WSCD1: variants seen among roughly 807,000 people sequenced by gnomAD.
WSCD1 encodes the protein WSC domain sialate O sulfotransferase 1, also known as sialate:O-sulfotransferase 1.
Under a neutral mutation model 60.4 loss-of-function variants are expected in WSCD1, and 41 were observed. The ratio of observed to expected loss-of-function variants is 0.68; its 90% CI spans 0.53 to 0.88. The LOEUF is 0.88. WSCD1 is among the 40% of genes least tolerant of loss of function. The probability of loss-of-function intolerance (pLI) is 0.00; values close to 1 mark genes in which losing one functional copy is unlikely to be tolerated. For missense variants in WSCD1, 784 were observed against 796.2 expected (o/e 0.98, Z 0.18); for synonymous variants, 361 against 332.5 (o/e 1.09, Z -0.93).
intron 5 of WSCD1, among the ~76,000 whole-genome samples, chr17:6,106,630 G>T (rs530114336): frequency 6.6e-6 from 1 of 152,200 alleles, no homozygotes; most frequent in Non-Finnish European, 1.5e-5. Context: ...TGGGGAGAGG[G>T]GCCTCCGGTG....
At chr17:6,105,264 T>A (rs985540648) in intron 5 of WSCD1, among the ~76,000 whole-genome samples, 1 of 152,186 alleles carries the variant, frequency 6.6e-6, no homozygotes, top group African/African-American at 2.4e-5. Flanking sequence ...AGGATGCATA[T>A]CTTTCTGCCC....
chr17:6,088,897 C>G (rs1457052295), intron 3 of WSCD1, among the ~76,000 whole-genome samples: 1 of 152,072 alleles, frequency 6.6e-6, no homozygotes, highest in Non-Finnish European at 1.5e-5. Context: ...ATTCGCCTGC[C>G]TCAGCCTCCC....
Position 6,120,796 on chromosome 17 carries a change from C to A in WSCD1, c.*135C>A. On this transcript the variant is annotated 3_prime_UTR_variant, in exon 9 of 9. Transcript: ENST00000317744. ...GGGGGGCTCACCCTGGTGCTGCCTC[C>A]CGCACAAGGAGACCTGGACACAACA... is the stretch of plus-strand genomic sequence containing the variant. 1 of 885,702 alleles carries A rather than the reference C, an allele frequency of 1.1e-6. No individual in the cohort carries two copies. The highest frequency in any genetic ancestry group is 1.7e-6 in the Non-Finnish European group (1 of 593,998). 54.9% of individuals were successfully genotyped at this position (885,702 alleles called of 1,614,324 possible). A position where few individuals can be genotyped will look rare whatever the true frequency, so the allele number is the denominator to read the frequency against.
chr17:6,073,791 C>T, intron 1 of WSCD1, among the ~76,000 whole-genome samples: 1 of 152,246 alleles, frequency 6.6e-6, no homozygotes, highest in East Asian at 1.9e-4. Flanking sequence ...CAGCCTCCAG[C>T]ATGGTGCTTG....
At chr17:6,099,948 A>T (rs972270525) in intron 5 of WSCD1, among the ~76,000 whole-genome samples, 1 of 152,076 alleles carries the variant, frequency 6.6e-6, no homozygotes, top group Non-Finnish European at 1.5e-5. Flanking sequence ...CCGGCACGAG[A>T]CCAAGAACCC....
At chr17:6,089,274 C>G (rs1909869000) in intron 3 of WSCD1, among the ~76,000 whole-genome samples, 1 of 152,174 alleles carries the variant, frequency 6.6e-6, no homozygotes, top group South Asian at 2.1e-4. Flanking sequence ...GATCAGGAAA[C>G]TGAGACTCAG....
At chr17:6,095,346 G>A in intron 5 of WSCD1, 123 bp downstream of exon 5, 2 of 1,334,124 alleles carry the variant, frequency 1.5e-6, no homozygotes, top group South Asian at 3.4e-5. Flanking sequence ...AGCAGAGGAA[G>A]GGGGCATGGA....
At position 6,080,565 on chromosome 17, in the gene WSCD1, C is replaced by T. The variant is rs1011041180; in HGVS notation, c.-94C>T. ...CAGGCAGGTGCCAGGAGCCAGGATGCAAGGATGACGCCTCCGGAGGCCCTG... is the reference window on the plus strand; with the variant it reads ...CAGGCAGGTGCCAGGAGCCAGGATGTAAGGATGACGCCTCCGGAGGCCCTG... On this transcript the variant is annotated 5_prime_UTR_variant, in exon 2 of 9. The change creates a premature stop within an existing upstream ORF in the 5' untranslated region. Coordinates refer to ENST00000317744, the MANE Select transcript of WSCD1 (RefSeq NM_015253.2). This position sits in a 1 kb window ranked among gnomAD's most constrained non-coding sequence, Gnocchi z 6.6. 10 of 1,378,922 alleles carry T rather than the reference C, an allele frequency of 7.3e-6. No homozygotes were observed. The highest frequency in any genetic ancestry group is 2.5e-5 in the South Asian group (2 of 78,978). 85.4% of individuals were successfully genotyped at this position (1,378,922 alleles called of 1,614,324 possible).
chr17:6,089,570 TCAGAC>T (rs1173213792), intron 3 of WSCD1, among the ~76,000 whole-genome samples: 2 of 152,212 alleles, frequency 1.3e-5, no homozygotes, highest in African/African-American at 4.8e-5. Flanking sequence ...GGCAGGCACT[TCAGAC>T]CAGCTCACGG....
At position 6,110,840 on chromosome 17, in the gene WSCD1, C is replaced by T; in HGVS notation, c.1079C>T (p.Pro360Leu). 1 of 1,614,018 alleles carries T rather than the reference C, an allele frequency of 6.2e-7. No homozygotes were observed. The change falls in exon 7 of 9, where the codon CCA (proline) becomes CTA (leucine). Residue 360 changes from proline to leucine, a missense_variant. Physicochemically the swap from Pro to Leu is moderately conservative, Grantham distance 98. Transcript: ENST00000317744. The surrounding 1 kb of genome is among the most constrained non-coding windows in gnomAD (Gnocchi z 4.8). ...SKVFVALSSF[P>L]GAGNTWARHL... ...GTGTTTGTGGCTTTGTCAAGCTTCC[C>T]AGGAGCCGGGAACACATGGGCACGG...
At position 6,090,318 on chromosome 17, in the gene WSCD1, C is replaced by T; in HGVS notation, c.543-3C>T. On this transcript the variant is annotated splice_region_variant and splice_polypyrimidine_tract_variant and intron_variant, in intron 3 of 8. Coordinates refer to ENST00000317744, the MANE Select transcript of WSCD1 (RefSeq NM_015253.2). ...CGGACTCACCCAGGCCTCCTCCCTG[C>T]AGGTCCTATGTCTACGCCGGCTTGG... 4 of 1,581,336 alleles carry T rather than the reference C, an allele frequency of 2.5e-6. No individual in the cohort carries two copies. The highest frequency in any genetic ancestry group is 3.4e-6 in the Non-Finnish European group (4 of 1,166,038).
Position 6,080,855 on chromosome 17 carries a change from T to C in WSCD1, c.197T>C (p.Leu66Ser), listed in dbSNP as rs761514805. The change falls in exon 2 of 9, where the codon TTG becomes TCG. Residue 66 changes from leucine (L) to serine (S), a missense_variant. Physicochemically the swap from Leu to Ser is moderately radical, Grantham distance 145. Transcript: ENST00000317744. The surrounding 1 kb of genome is among the most constrained non-coding windows in gnomAD (Gnocchi z 6.6). ...GCCGCCGTGGCGCTGGGCGTGGGCT[T>C]GCTGGACAGCAGAGCCCTGCACGAC... is the stretch of plus-strand genomic sequence containing the variant. ...PVAAVALGVG[L>S]LDSRALHDPR... The C allele has an allele frequency of 2.5e-6, 4 of 1,606,226 alleles. No homozygotes were observed. In the African/African-American group the frequency reaches 5.3e-5, roughly 21 times the overall value.
chr17:6,095,568 G>A (rs926469506), intron 5 of WSCD1, among the ~76,000 whole-genome samples: 6 of 152,258 alleles, frequency 3.9e-5, no homozygotes, highest in Non-Finnish European at 7.3e-5. Flanking sequence ...GGGGATAGCT[G>A]ATGGATTTTC....
chr17:6,103,787 G>A (rs1910941935), intron 5 of WSCD1, among the ~76,000 whole-genome samples: 1 of 152,106 alleles, frequency 6.6e-6, no homozygotes, highest in Non-Finnish European at 1.5e-5. Context: ...CCATGCATTT[G>A]CCTCCCCTGG....
intron 2 of WSCD1, among the ~76,000 whole-genome samples, chr17:6,086,593 A>G (rs1909665184): frequency 6.6e-6 from 1 of 151,938 alleles, no homozygotes; most frequent in Non-Finnish European, 1.5e-5. Flanking sequence ...ATCTCAAGTG[A>G]TCCACCCGCC....
upstream of WSCD1, chr17:6,069,429 GAGAGAGA>G (rs1908388543): frequency 0.037 from 1,589 of 42,596 alleles, 29 homozygotes; most frequent in African/African-American, 0.092. Context: ...GTGTGTGTGT[GAGAGAGA>G]GAGAGAGAGA....
At chr17:6,089,457 AC>A (rs1481430671) in intron 3 of WSCD1, among the ~76,000 whole-genome samples, 6 of 152,208 alleles carry the variant, frequency 3.9e-5, no homozygotes, top group African/African-American at 1.4e-4. Context: ...TCTGTTTCCA[AC>A]CTTTCTTTAC....
rs142988948 is a variant in WSCD1, at chr17:6,089,333, G to A, written c.543-988G>A. On this transcript the variant is annotated intron_variant, in intron 3 of 8. Coordinates refer to ENST00000317744, the MANE Select transcript of WSCD1 (RefSeq NM_015253.2). ...CTCACCGCCAGGACGTGGTCAAATG[G>A]GGACTTGAAGCTTGTGTTTGGATTT... Among the ~76,000 whole-genome samples, 277 of 152,316 alleles carry A rather than the reference G, an allele frequency of 1.8e-3. 1 individual carries two copies. Among genetic ancestry groups the A allele is most frequent in the African/African-American group, 6.5e-3 (269 of 41,580 alleles).
intron 1 of WSCD1, chr17:6,071,042 C>T (rs1029992372): frequency 6.6e-6 from 1 of 152,142 alleles, no homozygotes; most frequent in Non-Finnish European, 1.5e-5. Context: ...CGCACAGCTT[C>T]CCTCCTAGGC....
Sources: gnomAD v4.1 joint callset for allele counts (sites outside exome capture counted in the v4.1 genomes callset) on GRCh38, gnomAD v4.1.1 for gene constraint, Gnocchi (gnomAD v3.1) non-coding constraint, MANE v1.5 for transcripts, NCBI Gene and HGNC (gene_info 2026-07-23, HGNC 2026-07-21) for gene names.